Variants in HJURP observed in about 807,000 individuals in gnomAD.
The protein encoded by HJURP is Holliday junction recognition protein, also known as 14-3-3-associated AKT substrate.
A neutral mutation model predicts 72.0 loss-of-function variants in HJURP; 49 were observed. The observed-to-expected ratio is 0.68, with a 90% CI of 0.54 to 0.86. The LOEUF (loss-of-function observed/expected upper bound fraction) is 0.86. Ranked by LOEUF, HJURP falls within the 40% of genes least tolerant of loss-of-function variation. HJURP has a pLI of 0.00. For synonymous variants in HJURP, 357 were observed against 347.1 expected, an observed-to-expected ratio of 1.03 and a Z score of -0.32; for missense variants, 908 against 936.3, an observed-to-expected ratio of 0.97 and a Z score of 0.39.
At position 233,837,583 on chromosome 2, in the gene HJURP, A is replaced by C. The variant is rs751425662; in HGVS notation, c.2241T>G (p.Ser747Arg). 4 of 1,602,762 alleles carry C rather than the reference A, an allele frequency of 2.5e-6. No individual in the cohort carries two copies. The highest frequency in any genetic ancestry group is 3.4e-6 in the Non-Finnish European group (4 of 1,170,324). The part of the protein sequence containing the change: ...DFMLEKLETK[S>R]V Reference sequence around the variant, plus strand: ...ACACTCCGAAATAACCTAGCTACACACTTTTAGTTTCCAATTTTTCTAGCA... The same window carrying C: ...ACACTCCGAAATAACCTAGCTACACCCTTTTAGTTTCCAATTTTTCTAGCA... The change falls in exon 9 of 9, where the codon AGT (serine) becomes AGG (arginine). Residue 747 changes from serine to arginine, a missense_variant. By Grantham distance (110) the Ser-to-Arg change is moderately radical. Coordinates refer to ENST00000411486, the MANE Select transcript of HJURP (RefSeq NM_018410.5).
In HJURP at chr2:233,846,240, G is replaced by A. The variant is rs1705359521; in HGVS notation, c.403-420C>T. Reference sequence around the variant, plus strand: ...GGCTGAGGCAGGTGGATCACTTGAGGCCAGGAGTTCGAGACCAGCCTGGCC... The same window carrying A: ...GGCTGAGGCAGGTGGATCACTTGAGACCAGGAGTTCGAGACCAGCCTGGCC... On this transcript the variant is annotated intron_variant, in intron 5 of 8. Coordinates refer to ENST00000411486, the MANE Select transcript of HJURP (RefSeq NM_018410.5). This position sits in a 1 kb window ranked among gnomAD's most constrained non-coding sequence, Gnocchi z 4.3. The A allele has an allele frequency of 6.4e-6, 1 of 156,682 alleles. No individual in the cohort carries two copies. Among genetic ancestry groups the A allele is most frequent in the Non-Finnish European group, 1.4e-5 (1 of 71,044 alleles). 9.7% of individuals were successfully genotyped at this position (156,682 alleles called of 1,614,324 possible).
At chr2:233,843,100 A>G (rs1243902759) in intron 7 of HJURP, among the ~76,000 whole-genome samples, 1 of 152,238 alleles carries the variant, frequency 6.6e-6, no homozygotes, top group Non-Finnish European at 1.5e-5. Context: ...TAAAAATAAA[A>G]TAAATCAAAG....
At position 233,841,237 on chromosome 2, in the gene HJURP, G is replaced by A. The variant is rs1395564094; in HGVS notation, c.1543C>T (p.Leu515=). The change falls in exon 8 of 9, where the codon CTG becomes TTG. Residue 515 remains leucine, a synonymous_variant. Coordinates refer to ENST00000411486, the MANE Select transcript of HJURP (RefSeq NM_018410.5). ...GKRSLEAGRC[L]PKSDSSSSLP... The stretch of plus-strand genomic sequence containing the variant: ...GATGAAGATGAATCGCTCTTGGGCA[G>A]GCACCTACCTGCTTCCAGAGATCTT... 1.2e-6 allele frequency: 2 copies of A among 1,614,144 alleles called. No individual in the cohort carries two copies. Among genetic ancestry groups the A allele is most frequent in the Middle Eastern group, 1.6e-4 (1 of 6,062 alleles).
chr2:233,845,374 A>T (rs1705337311), intron 6 of HJURP, among the ~76,000 whole-genome samples: 1 of 151,370 alleles, frequency 6.6e-6, no homozygotes, highest in African/African-American at 2.4e-5. Flanking sequence ...CTGGTCTCAA[A>T]CTCCTGACCT....
At chr2:233,839,588 G>A (rs1026140189) in intron 8 of HJURP, among the ~76,000 whole-genome samples, 5 of 152,210 alleles carry the variant, frequency 3.3e-5, no homozygotes, top group South Asian at 2.1e-4. Flanking sequence ...TGCAGGCTTC[G>A]AAGGCAGGCA....
rs3771334 is a variant in HJURP at position 233,840,623 on chromosome 2, G to A, written c.2157C>T (p.Pro719=). Residue 719 remains proline (P), a synonymous_variant, in exon 8 of 9, where the codon CCC becomes CCT. Coordinates refer to ENST00000411486, the MANE Select transcript of HJURP (RefSeq NM_018410.5). The stretch of plus-strand genomic sequence containing the variant: ...AACACACCTACCTCTCTTCTGAGTT[G>A]GGCTGTGAAGAGCTGCCCTGGTCTC... ...RPGDQGSSSQ[P]NSEERGENTS... 21,720 of 1,596,872 alleles carry A rather than the reference G, an allele frequency of 0.014. 1,773 individuals carry two copies. The East Asian group carries it at 0.26, about 19-fold the overall frequency.
At chr2:233,847,084 G>A (rs886129935) in intron 5 of HJURP, among the ~76,000 whole-genome samples, 9 of 152,176 alleles carry the variant, frequency 5.9e-5, no homozygotes, top group Non-Finnish European at 1.2e-4. Context: ...CTTTCCTGTC[G>A]TGTGCTCATC....
At chr2:233,842,285 T>C (rs550217837) in intron 7 of HJURP, 80 bp from the exon 8 acceptor site, 33 of 1,258,554 alleles carry the variant, frequency 2.6e-5, no homozygotes, top group Non-Finnish European at 3.2e-5. Flanking sequence ...GAACTTAAGA[T>C]TGGATCAGGA....
chr2:233,837,589 A>G lies in HJURP; in HGVS notation c.2235T>C (p.Thr745=). Reference sequence around the variant, plus strand: ...CGAAATAACCTAGCTACACACTTTTAGTTTCCAATTTTTCTAGCATGAAAT... The same window carrying G: ...CGAAATAACCTAGCTACACACTTTTGGTTTCCAATTTTTCTAGCATGAAAT... ...KSDFMLEKLE[T]KSV is the part of the protein sequence containing the mutation. Residue 745 remains threonine, a synonymous_variant, in exon 9 of 9, where the codon ACT becomes ACC. Coordinates refer to ENST00000411486, the MANE Select transcript of HJURP (RefSeq NM_018410.5). 4 of 1,606,228 alleles carry G rather than the reference A, an allele frequency of 2.5e-6. No homozygotes were observed. Among genetic ancestry groups the G allele is most frequent in the Non-Finnish European group, 3.4e-6 (4 of 1,173,190 alleles).
rs181447533 is a variant in HJURP, at chr2:233,853,239, T to C, written c.184+605A>G. On this transcript the variant is annotated intron_variant, in intron 2 of 8. Transcript: ENST00000411486. ...TCATTAAGTGATACTGAGTTAGTTA[T>C]AAAGCTATATGGGAGGAATTGACCC... 1.6e-3 allele frequency among the ~76,000 whole-genome samples: 243 copies of C among 152,328 alleles called. 1 individual carries two copies. The Middle Eastern group carries it at 0.017, about 11-fold the overall frequency.
Position 233,841,891 on chromosome 2 carries a change from T to C in HJURP, c.889A>G (p.Arg297Gly). The change falls in exon 8 of 9, where the codon AGG (arginine) becomes GGG (glycine). Residue 297 changes from arginine to glycine, a missense_variant. Transcript: ENST00000411486. ...TFIMQNWNSR[R>G]RHRYKSRMNK... ...ATCCTGCTCTTATATCTGTGCCTCC[T>C]CCTGGAGTTCCAGTTTTGCATGATG... 6.2e-7 allele frequency: 1 copy of C among 1,614,232 alleles called. No homozygotes were observed. The highest frequency in any genetic ancestry group is 8.5e-7 in the Non-Finnish European group (1 of 1,180,030).
intron 4 of HJURP, 133 bp from the exon 5 acceptor site, chr2:233,847,594 G>A (rs2286431): frequency 0.46 from 343,611 of 742,312 alleles, 84,598 homozygotes; most frequent in Non-Finnish European, 0.5. Context: ...TGCACCCACT[G>A]GAGCCATCTA....
chr2:233,852,666 T>C lies in HJURP; in HGVS notation c.185-46A>G. On this transcript the variant is annotated intron_variant, in intron 2 of 8. Transcript: ENST00000411486. ...TGACCATTTACATAATCCTGAACGC[T>C]GAACTTCTGCTCAATCTGTGTTCAC... 3 of 1,381,384 alleles carry C rather than the reference T, an allele frequency of 2.2e-6. No homozygotes were observed. In the South Asian group the frequency reaches 3.5e-5, roughly 16 times the overall value. 85.6% of individuals were successfully genotyped at this position (1,381,384 alleles called of 1,614,324 possible). A position where few individuals can be genotyped will look rare whatever the true frequency, so the allele number is the denominator to read the frequency against.
chr2:233,844,976 C>G (rs1017026748), intron 6 of HJURP, among the ~76,000 whole-genome samples: 12 of 105,536 alleles, frequency 1.1e-4, no homozygotes, highest in South Asian at 2.7e-4. Flanking sequence ...TCCCCCCCCT[C>G]CCAACATGAC....
chr2:233,847,283 G>A (rs1705385026), intron 5 of HJURP, 114 bp downstream of exon 5: 2 of 775,632 alleles, frequency 2.6e-6, no homozygotes, highest in East Asian at 2.6e-5. Flanking sequence ...CCTCAGGAGA[G>A]GACTTCCAGA....
intron 7 of HJURP, among the ~76,000 whole-genome samples, chr2:233,843,260 C>T (rs538568879): frequency 6.6e-6 from 1 of 152,244 alleles, no homozygotes; most frequent in South Asian, 2.1e-4. Context: ...GCATTGCTGG[C>T]TTCTAAGTCA....
Position 233,841,639 on chromosome 2 carries a change from G to T in HJURP, c.1141C>A (p.Pro381Thr), listed in dbSNP as rs145326451. The change falls in exon 8 of 9, where the codon CCC (proline) becomes ACC (threonine). Residue 381 changes from proline to threonine, a missense_variant. Transcript: ENST00000411486. The stretch of plus-strand genomic sequence containing the variant: ...TAAATCAAGGAAGAATACTTCGAGG[G>T]TGTCACTTTGCGCTCCTTCCAACTT... ...DPSWKERKVT[P>T]SKYSSLIYFD... 3.1e-6 allele frequency: 5 copies of T among 1,614,064 alleles called. No individual in the cohort carries two copies. The African/African-American group carries it at 6.7e-5, about 22-fold the overall frequency.
Position 233,841,495 on chromosome 2 carries a change from T to C in HJURP, c.1285A>G (p.Asn429Asp). 1.2e-6 allele frequency: 2 copies of C among 1,614,196 alleles called. No individual in the cohort carries two copies. The highest frequency in any genetic ancestry group is 8.5e-7 in the Non-Finnish European group (1 of 1,180,032). ...RPTIRQGHGE[N>D]RQREIEIRFD... ...CGGATTTCAATCTCCCTCTGACGGTTCTCTCCATGGCCCTGTCGTATTGTT... is the reference window on the plus strand; with the variant it reads ...CGGATTTCAATCTCCCTCTGACGGTCCTCTCCATGGCCCTGTCGTATTGTT... Residue 429 changes from asparagine (N) to aspartate (D), a missense_variant, in exon 8 of 9, where the codon AAC (asparagine) becomes GAC (aspartate). Around this residue, in one of 3 missense-constraint regions of HJURP, gnomAD observed 598 missense variants for 619.5 expected, o/e 0.97. Transcript: ENST00000411486.
At position 233,840,735 on chromosome 2, in the gene HJURP, C is replaced by A. The variant is rs762756079; in HGVS notation, c.2045G>T (p.Arg682Ile). ...GTRDHQFPAK[R>I]PRLSEPQGSG... ...GCCCTGGGGTTCTGATAGCCTGGGTCTTTTTGCAGGGAACTGATGGTCCCT... is the reference window on the plus strand; with the variant it reads ...GCCCTGGGGTTCTGATAGCCTGGGTATTTTTGCAGGGAACTGATGGTCCCT... Residue 682 changes from arginine (R) to isoleucine (I), a missense_variant, in exon 8 of 9, where the codon AGA becomes ATA. Physicochemically the swap from Arg to Ile is moderately conservative, Grantham distance 97. Coordinates refer to ENST00000411486, the MANE Select transcript of HJURP (RefSeq NM_018410.5). 1 of 1,613,990 alleles carries A rather than the reference C, an allele frequency of 6.2e-7. No homozygotes were observed. The highest frequency in any genetic ancestry group is 8.5e-7 in the Non-Finnish European group (1 of 1,180,028).
Sources: allele counts gnomAD v4.1 joint callset (sites outside exome capture counted in the v4.1 genomes callset), GRCh38; gene constraint gnomAD v4.1.1; regional missense constraint gnomAD v4.1.1; non-coding constraint Gnocchi (gnomAD v3.1); transcripts MANE v1.5; gene names NCBI Gene and HGNC (gene_info 2026-07-23, HGNC 2026-07-21).